PPP1CC: variants seen among roughly 807,000 people sequenced by gnomAD.
PPP1CC encodes the protein serine/threonine-protein phosphatase PP1-gamma catalytic subunit.
PPP1CC carries 16 observed loss-of-function variants against 38.4 expected under a neutral mutation model. The observed-to-expected ratio is 0.42, with a 90% CI of 0.28 to 0.63. PPP1CC has a LOEUF of 0.63. Ranked by LOEUF, PPP1CC falls within the 30% of genes least tolerant of loss-of-function variation. The probability of loss-of-function intolerance (pLI) is 0.25; values close to 1 mark genes in which losing one functional copy is unlikely to be tolerated. For missense variants in PPP1CC, 170 were observed against 391.3 expected (o/e 0.43, Z 4.77); for synonymous variants, 158 against 136.0 (o/e 1.16, Z -1.13).
the PPP1CC span, among the ~76,000 whole-genome samples, chr12:110,708,782 G>A: frequency 6.6e-6 from 1 of 151,220 alleles, no homozygotes; most frequent in African/African-American, 2.4e-5. Flanking sequence ...CTGGGGTGGA[G>A]GTTGCAGTCA....
In PPP1CC at chr12:110,722,716, A is replaced by G; in HGVS notation, c.524-21T>C. On this transcript the variant is annotated intron_variant, in intron 4 of 6. Coordinates refer to ENST00000335007, the MANE Select transcript of PPP1CC (RefSeq NM_002710.4). This position sits in a 1 kb window ranked among gnomAD's most constrained non-coding sequence, Gnocchi z 5.4. ...TAAACCTATTCAATGAGGAAAAAAA[A>G]AAAATGAAGAAAGCAGAACTTTTAA... The G allele has an allele frequency of 1.3e-6, 2 of 1,567,964 alleles. No individual in the cohort carries two copies. Among genetic ancestry groups the G allele is most frequent in the Non-Finnish European group, 1.7e-6 (2 of 1,158,630 alleles).
Position 110,720,551 on chromosome 12 carries a change from T to C in PPP1CC, c.*525A>G, listed in dbSNP as rs758246661. 2 of 232,550 alleles carry C rather than the reference T, an allele frequency of 8.6e-6. No homozygotes were observed. Among genetic ancestry groups the C allele is most frequent in the Non-Finnish European group, 1.7e-5 (2 of 118,448 alleles). 14.4% of individuals were successfully genotyped at this position (232,550 alleles called of 1,614,324 possible). A position where few individuals can be genotyped will look rare whatever the true frequency, so the allele number is the denominator to read the frequency against. The stretch of plus-strand genomic sequence containing the variant: ...GGTTGAAAGTTACTCCTAATGTTGA[T>C]AGCTATAAAAACTAGTTTGTACATA... On this transcript the variant is annotated 3_prime_UTR_variant, in exon 7 of 7. Coordinates refer to ENST00000335007, the MANE Select transcript of PPP1CC (RefSeq NM_002710.4).
chr12:110,724,527 G>A (rs138642758), intron 4 of PPP1CC, 133 bp downstream of exon 4: 1 of 600,814 alleles, frequency 1.7e-6, no homozygotes, highest in Non-Finnish European at 3.1e-6. Flanking sequence ...CAGAGTGAAA[G>A]TGCAATGCAA....
downstream of PPP1CC, among the ~76,000 whole-genome samples, chr12:110,717,424 C>T (rs764485136): frequency 5.3e-5 from 8 of 151,772 alleles, no homozygotes; most frequent in Admixed American, 2.0e-4. Flanking sequence ...TTAAGAGTCT[C>T]GCTCTGTCGC....
chr12:110,741,046 T>A (rs2070011455), intron 1 of PPP1CC, among the ~76,000 whole-genome samples: 1 of 152,180 alleles, frequency 6.6e-6, no homozygotes, highest in Non-Finnish European at 1.5e-5. Context: ...AAGAACTATA[T>A]TAACTAGTAT....
chr12:110,733,929 T>C (rs1446783396), intron 1 of PPP1CC, among the ~76,000 whole-genome samples: 1 of 152,248 alleles, frequency 6.6e-6, no homozygotes, highest in Non-Finnish European at 1.5e-5. Context: ...AAAAAAGTTA[T>C]ATAAAGATAG....
intron 4 of PPP1CC, among the ~76,000 whole-genome samples, chr12:110,723,314 G>T (rs1395493381): frequency 6.6e-6 from 1 of 151,208 alleles, no homozygotes; most frequent in South Asian, 2.1e-4. Flanking sequence ...GATGCATATT[G>T]TAAGAGTTAA....
rs1251118842 is a variant in PPP1CC at position 110,722,724 on chromosome 12, A to G, written c.524-29T>C. ...TTCAATGAGGAAAAAAAAAAAATGA[A>G]GAAAGCAGAACTTTTAAAAGGATAC... On this transcript the variant is annotated intron_variant, in intron 4 of 6. Coordinates refer to ENST00000335007, the MANE Select transcript of PPP1CC (RefSeq NM_002710.4). This position sits in a 1 kb window ranked among gnomAD's most constrained non-coding sequence, Gnocchi z 5.4. The G allele has an allele frequency of 6.4e-7, 1 of 1,552,152 alleles. No homozygotes were observed. Among genetic ancestry groups the G allele is most frequent in the Non-Finnish European group, 8.7e-7 (1 of 1,146,152 alleles).
At chr12:110,709,797 T>C in the PPP1CC span, among the ~76,000 whole-genome samples, 1 of 152,024 alleles carries the variant, frequency 6.6e-6, no homozygotes, top group African/African-American at 2.4e-5. Context: ...TCCACCCGAC[T>C]CAGCCTCCCA....
chr12:110,742,761 G>A lies in PPP1CC; in HGVS notation c.-54C>T, dbSNP rs1435732922. Reference sequence around the variant, plus strand: ...CGGCGCCGCCGCCGGCTCGCGCCCGGGACTCACACCTCCTTTCCCACGCCA... The same window carrying A: ...CGGCGCCGCCGCCGGCTCGCGCCCGAGACTCACACCTCCTTTCCCACGCCA... On this transcript the variant is annotated 5_prime_UTR_variant, in exon 1 of 7. Coordinates refer to ENST00000335007, the MANE Select transcript of PPP1CC (RefSeq NM_002710.4). 5 of 1,331,730 alleles carry A rather than the reference G, an allele frequency of 3.8e-6. No individual in the cohort carries two copies. Among genetic ancestry groups the A allele is most frequent in the African/African-American group, 1.5e-5 (1 of 65,800 alleles). The allele number at this position is 1,331,730 out of a possible 1,614,324, so 82.5% of individuals were successfully genotyped here. A position where few individuals can be genotyped will look rare whatever the true frequency, so the allele number is the denominator to read the frequency against.
At chr12:110,726,952 T>A (rs968780862) in intron 3 of PPP1CC, among the ~76,000 whole-genome samples, 1 of 152,162 alleles carries the variant, frequency 6.6e-6, no homozygotes, top group East Asian at 1.9e-4. Context: ...CTGGATACTT[T>A]TTTTGAGGTG....
chr12:110,728,401 A>AC (rs1243307658), intron 3 of PPP1CC, among the ~76,000 whole-genome samples: 5 of 148,990 alleles, frequency 3.4e-5, no homozygotes, highest in African/African-American at 1.3e-4. Flanking sequence ...CCGTCTCAAA[A>AC]AAAAAAAAAA....
intron 4 of PPP1CC, among the ~76,000 whole-genome samples, chr12:110,724,116 C>T (rs1318152219): frequency 1.3e-5 from 2 of 151,914 alleles, no homozygotes; most frequent in Non-Finnish European, 2.9e-5. Context: ...CGGGTGGCTG[C>T]AGTCCCAGCT....
chr12:110,721,377 A>G, intron 6 of PPP1CC: 2 of 439,074 alleles, frequency 4.6e-6, no homozygotes, highest in Non-Finnish European at 8.3e-6. Flanking sequence ...TATCTGGACA[A>G]ATTATTTTGC....
Position 110,724,781 on chromosome 12 carries a change from A to G in PPP1CC, c.419-17T>C. On this transcript the variant is annotated splice_polypyrimidine_tract_variant and intron_variant, in intron 3 of 6. Transcript: ENST00000335007. ...TTCTTTTACCTGTGATTAAAAAGAG[A>G]GTATTACATTAAAAAGAGAGTATTA... is the stretch of plus-strand genomic sequence containing the variant. The G allele has an allele frequency of 7.0e-7, 1 of 1,424,018 alleles. No homozygotes were observed. Among genetic ancestry groups the G allele is most frequent in the Non-Finnish European group, 9.9e-7 (1 of 1,007,800 alleles). The allele number at this position is 1,424,018 out of a possible 1,614,324, so 88.2% of individuals were successfully genotyped here.
At position 110,719,979 on chromosome 12, in the gene PPP1CC, C is replaced by G; in HGVS notation, c.*1097G>C. ...TATTGTACACGGTCATCTGTTGAAA[C>G]AGATTTCTTTTTTAACAGATCTTAG... is the stretch of plus-strand genomic sequence containing the variant. On this transcript the variant is annotated 3_prime_UTR_variant, in exon 7 of 7. Transcript: ENST00000335007. 1 of 626,536 alleles carries G rather than the reference C, an allele frequency of 1.6e-6. No individual in the cohort carries two copies. Among genetic ancestry groups the G allele is most frequent in the South Asian group, 2.1e-5 (1 of 48,028 alleles). 38.8% of individuals were successfully genotyped at this position (626,536 alleles called of 1,614,324 possible). A position where few individuals can be genotyped will look rare whatever the true frequency, so the allele number is the denominator to read the frequency against.
chr12:110,728,350 G>A (rs553229432), intron 3 of PPP1CC, among the ~76,000 whole-genome samples: 140 of 147,806 alleles, frequency 9.5e-4, no homozygotes, highest in African/African-American at 2.7e-3. Flanking sequence ...AGTGAGGCGA[G>A]ATCGCGCCCT....
chr12:110,737,983 T>G (rs2069967515), intron 1 of PPP1CC, among the ~76,000 whole-genome samples: 1 of 152,104 alleles, frequency 6.6e-6, no homozygotes, highest in Non-Finnish European at 1.5e-5. Flanking sequence ...CAAAACACTG[T>G]CTACTGTTCT....
intron 1 of PPP1CC, among the ~76,000 whole-genome samples, chr12:110,737,571 G>C (rs2069961839): frequency 6.7e-6 from 1 of 149,036 alleles, no homozygotes; most frequent in Admixed American, 6.7e-5. Context: ...TCCATGTTCT[G>C]ATTATCACAA....
Sources: gnomAD v4.1 joint callset for allele counts (sites outside exome capture counted in the v4.1 genomes callset) on GRCh38, gnomAD v4.1.1 for gene constraint, Gnocchi (gnomAD v3.1) non-coding constraint, MANE v1.5 for transcripts, NCBI Gene and HGNC (gene_info 2026-07-23, HGNC 2026-07-21) for gene names.